The following SECISBP2L variants were observed in gnomAD, a reference collection of about 807,000 sequenced individuals.
The protein encoded by SECISBP2L is SECIS binding protein 2 like.
Under a neutral mutation model 114.7 loss-of-function variants are expected in SECISBP2L, and 43 were observed. The ratio of observed to expected loss-of-function variants is 0.38; its 90% CI spans 0.29 to 0.48. The LOEUF is 0.48. Ranked by LOEUF, SECISBP2L falls within the 20% of genes least tolerant of loss-of-function variation. The pLI is 0.98. For synonymous variants in SECISBP2L, 451 were observed against 439.7 expected (o/e 1.03, Z -0.32); for missense variants, 1,136 against 1,301.1 (o/e 0.87, Z 1.95).
chr15:49,040,527 CTTTTTT>C (rs66527715), intron 1 of SECISBP2L, among the ~76,000 whole-genome samples: 2 of 63,176 alleles, frequency 3.2e-5, no homozygotes, highest in Non-Finnish European at 5.5e-5. Context: ...CCAAACTATT[CTTTTTT>C]TTTTTTTTTT....
At chr15:49,040,236 T>C (rs1903095747) in intron 1 of SECISBP2L, among the ~76,000 whole-genome samples, 1 of 152,236 alleles carries the variant, frequency 6.6e-6, no homozygotes, top group East Asian at 1.9e-4. Flanking sequence ...TATTGGTTTC[T>C]AAGTGCAATT....
At chr15:49,016,755 A>G (rs1365948833) in intron 10 of SECISBP2L, 54 bp from the exon 11 acceptor site, 1 of 1,525,258 alleles carries the variant, frequency 6.6e-7, no homozygotes, top group South Asian at 1.3e-5. Context: ...AAACTGTGGC[A>G]TTTTAAGATG....
chr15:49,024,339 T>C (rs1197790702), intron 7 of SECISBP2L, among the ~76,000 whole-genome samples: 1 of 151,608 alleles, frequency 6.6e-6, no homozygotes, highest in African/African-American at 2.4e-5. Context: ...CTACTAAAAA[T>C]ACAAAAATTA....
intron 1 of SECISBP2L, among the ~76,000 whole-genome samples, chr15:49,043,752 A>G (rs1903188192): frequency 6.6e-6 from 1 of 152,016 alleles, no homozygotes; most frequent in South Asian, 2.1e-4. Context: ...GAAAGAGGAT[A>G]CTCCTAAGAT....
chr15:49,023,484 A>T (rs952519629), intron 7 of SECISBP2L, among the ~76,000 whole-genome samples: 4 of 152,216 alleles, frequency 2.6e-5, no homozygotes, highest in Non-Finnish European at 5.9e-5. Flanking sequence ...AAACTGATAC[A>T]ATCTGGTGAT....
Position 49,016,588 on chromosome 15 carries a change from A to C in SECISBP2L, c.1533T>G (p.Ile511Met), listed in dbSNP as rs530340755. The C allele has an allele frequency of 6.2e-7, 1 of 1,610,904 alleles. No homozygotes were observed. Among genetic ancestry groups the C allele is most frequent in the African/African-American group, 1.3e-5 (1 of 75,018 alleles). ...TATATGACAGAGGTCTGGTGTTAGT[A>C]ATTTGCCGTGCTTTCATTGCTTGCT... ...KQQQAMKARQ[I>M]TNTRPLSYTV... The change falls in exon 11 of 18, where the codon ATT (isoleucine) becomes ATG (methionine). Residue 511 changes from isoleucine to methionine, a missense_variant. Physicochemically the swap from Ile to Met is conservative, Grantham distance 10. Coordinates refer to ENST00000559471, the MANE Select transcript of SECISBP2L (RefSeq NM_001193489.2).
At chr15:49,016,215 G>C (rs1438722768) in intron 11 of SECISBP2L, among the ~76,000 whole-genome samples, 2 of 152,154 alleles carry the variant, frequency 1.3e-5, no homozygotes, top group Non-Finnish European at 2.9e-5. Flanking sequence ...TGTGGGGAGG[G>C]AAAAGCAGGT....
At chr15:49,030,256 T>G (rs544824668) in intron 4 of SECISBP2L, among the ~76,000 whole-genome samples, 1 of 152,186 alleles carries the variant, frequency 6.6e-6, no homozygotes, top group African/African-American at 2.4e-5. Context: ...CTTAGAGTAG[T>G]ATCCAAGCAG....
Position 49,037,635 on chromosome 15 carries a change from GTAGCTGGGAA to G in SECISBP2L, c.149_158del (p.Ile50ThrfsTer2). The G allele has an allele frequency of 6.2e-7, 1 of 1,613,776 alleles. No individual in the cohort carries two copies. The highest frequency in any genetic ancestry group is 8.5e-7 in the Non-Finnish European group (1 of 1,179,866). The stretch of plus-strand genomic sequence containing the variant: ...GCACAAATGGGTAACAAGTAATCAG[GTAGCTGGGAA>G]TTGGAGTTGGTTCCACACCAGAAAC... On this transcript the variant is annotated frameshift_variant, in exon 2 of 18. Coordinates refer to ENST00000559471, the MANE Select transcript of SECISBP2L (RefSeq NM_001193489.2). LOFTEE classifies it high-confidence loss of function.
At chr15:49,012,354 T>C (rs560504079) in intron 12 of SECISBP2L, among the ~76,000 whole-genome samples, 2 of 152,308 alleles carry the variant, frequency 1.3e-5, no homozygotes, top group East Asian at 3.9e-4. Flanking sequence ...AAGTTAATAC[T>C]GAAATCCAGG....
chr15:49,030,366 G>A (rs1378059312), intron 4 of SECISBP2L, among the ~76,000 whole-genome samples: 1 of 152,122 alleles, frequency 6.6e-6, no homozygotes, highest in Non-Finnish European at 1.5e-5. Context: ...CTCTTTCTAG[G>A]GGGAGGCTCC....
rs760400172 is a variant in SECISBP2L at position 48,992,365 on chromosome 15, C to T, written c.3185G>A (p.Gly1062Glu). Reference sequence around the variant, plus strand: ...AGCAGTCCATGCCTCACTGTCCATCCCTGGCTCCAGCACCTCAGGCGCCTC... The same window carrying T: ...AGCAGTCCATGCCTCACTGTCCATCTCTGGCTCCAGCACCTCAGGCGCCTC... ...EAEAPEVLEP[G>E]MDSEAWTADQ... Residue 1062 changes from glycine to glutamate, a missense_variant, in exon 18 of 18, where the codon GGG (glycine) becomes GAG (glutamate). Gly to Glu is a moderately conservative substitution (Grantham distance 98). This residue lies in a region of SECISBP2L where 684 missense variants were observed against 848.7 expected (regional missense o/e 0.81). Coordinates refer to ENST00000559471, the MANE Select transcript of SECISBP2L (RefSeq NM_001193489.2). 1.9e-6 allele frequency: 3 copies of T among 1,614,178 alleles called. No individual in the cohort carries two copies. The highest frequency in any genetic ancestry group is 1.7e-5 in the Admixed American group (1 of 60,022).
chr15:49,039,188 T>C (rs1360333462), intron 1 of SECISBP2L, among the ~76,000 whole-genome samples: 2 of 152,186 alleles, frequency 1.3e-5, no homozygotes, highest in African/African-American at 2.4e-5. Context: ...AAATCAGAAG[T>C]AGATATACTA....
chr15:48,992,755 G>A lies in SECISBP2L; in HGVS notation c.2795C>T (p.Ala932Val). The A allele has an allele frequency of 6.2e-7, 1 of 1,614,188 alleles. No homozygotes were observed. The highest frequency in any genetic ancestry group is 8.5e-7 in the Non-Finnish European group (1 of 1,180,036). ...TGCTGTGGATTTCCCAGCACTTGTAGCTGAGGTAGTACTGCCTGTAGCCAC... is the reference window on the plus strand; with the variant it reads ...TGCTGTGGATTTCCCAGCACTTGTAACTGAGGTAGTACTGCCTGTAGCCAC... The part of the protein sequence containing the change: ...SLVATGSTTS[A>V]TSAGKSTASD... Residue 932 changes from alanine to valine, a missense_variant, in exon 18 of 18, where the codon GCT becomes GTT. Physicochemically the swap from Ala to Val is moderately conservative, Grantham distance 64 (BLOSUM62 0). Transcript: ENST00000559471.
chr15:49,041,404 T>C lies in SECISBP2L; in HGVS notation c.25-3635A>G, dbSNP rs939175374. Among the ~76,000 whole-genome samples, 8 of 152,324 alleles carry C rather than the reference T, an allele frequency of 5.3e-5. No individual in the cohort carries two copies. The South Asian group carries it at 1.7e-3, about 32-fold the overall frequency. On this transcript the variant is annotated intron_variant, in intron 1 of 17. Coordinates refer to ENST00000559471, the MANE Select transcript of SECISBP2L (RefSeq NM_001193489.2). ...GAAAGCTCAAGACTCTGTCAGAGTA[T>C]GAAACAAAAATGTTATTTAAAAGAG...
intron 7 of SECISBP2L, among the ~76,000 whole-genome samples, chr15:49,021,202 C>G (rs1183020377): frequency 6.6e-6 from 1 of 152,102 alleles, no homozygotes; most frequent in Non-Finnish European, 1.5e-5. Context: ...ACAAAGCAGG[C>G]CCTTACCAGA....
At position 49,042,268 on chromosome 15, in the gene SECISBP2L, G is replaced by A. The variant is rs1449191661; in HGVS notation, c.24+4008C>T. 7 of 152,258 alleles carry A rather than the reference G, an allele frequency of 4.6e-5. No homozygotes were observed. The East Asian group carries it at 1.3e-3, about 29-fold the overall frequency. The allele number at this position is 152,258 out of a possible 1,614,324, so 9.4% of individuals were successfully genotyped here. On this transcript the variant is annotated intron_variant, in intron 1 of 17. Coordinates refer to ENST00000559471, the MANE Select transcript of SECISBP2L (RefSeq NM_001193489.2). ...ACTGTTTAACAATGAAGGCATTTATGACTATGCATTTGCCTCAGAGTATAG... is the reference window on the plus strand; with the variant it reads ...ACTGTTTAACAATGAAGGCATTTATAACTATGCATTTGCCTCAGAGTATAG...
At position 49,028,331 on chromosome 15, in the gene SECISBP2L, T is replaced by C. The variant is rs534365960; in HGVS notation, c.894+122A>G. ...TTATTAATAAAATACAAAATACATT[T>C]GTAACTATCCTATTACTACAGGAAT... On this transcript the variant is annotated intron_variant, in intron 5 of 17. Coordinates refer to ENST00000559471, the MANE Select transcript of SECISBP2L (RefSeq NM_001193489.2). 157 of 1,048,510 alleles carry C rather than the reference T, an allele frequency of 1.5e-4. No homozygotes were observed. In the African/African-American group the frequency reaches 2.4e-3, roughly 16 times the overall value. The allele number at this position is 1,048,510 out of a possible 1,614,324, so 65.0% of individuals were successfully genotyped here.
chr15:49,014,193 AC>A (rs1160915851), intron 11 of SECISBP2L, among the ~76,000 whole-genome samples: 6 of 152,334 alleles, frequency 3.9e-5, no homozygotes, highest in African/African-American at 1.4e-4. Flanking sequence ...AGCATTTGGT[AC>A]CAAGGACTAC....
Sources: allele counts gnomAD v4.1 joint callset (sites outside exome capture counted in the v4.1 genomes callset), GRCh38; gene constraint gnomAD v4.1.1; regional missense constraint gnomAD v4.1.1; transcripts MANE v1.5; gene names NCBI Gene and HGNC (gene_info 2026-07-23, HGNC 2026-07-21).